Variants in ASAH1 observed in about 807,000 individuals in gnomAD.
The protein encoded by ASAH1 is acid ceramidase.
Under a neutral mutation model 59.5 loss-of-function variants are expected in ASAH1, and 70 were observed. The observed-to-expected ratio is 1.18, with a 90% confidence interval of 0.97 to 1.43. The LOEUF (loss-of-function observed/expected upper bound fraction) is 1.43, where lower values mean the gene tolerates loss of function less well. ASAH1 is among the 40% of genes most tolerant of loss of function. The pLI is 0.00. For synonymous variants in ASAH1, 213 were observed against 166.5 expected, an observed-to-expected ratio of 1.28 and a Z score of -2.15; for missense variants, 660 against 482.5, an observed-to-expected ratio of 1.37 and a Z score of -3.45.
At chr8:18,061,653 G>A (rs1191824591) in intron 9 of ASAH1, 33 bp downstream of exon 9, 3 of 1,575,356 alleles carry the variant, frequency 1.9e-6, no homozygotes, top group Non-Finnish European at 1.7e-6. Context: ...AAAGCTCTGA[G>A]ATTCCCATTT....
chr8:18,067,143 A>AGATCTAAGACATACAGCACCTGTGC, intron 5 of ASAH1, 77 bp downstream of exon 5: 1 of 1,321,246 alleles, frequency 7.6e-7, no homozygotes, highest in Non-Finnish European at 1.1e-6. Context: ...CCTGTGCTGT[A>AGATCTAAGACATACAGCACCTGTGC]TGTATATCAC....
At position 18,059,500 on chromosome 8, in the gene ASAH1, A is replaced by C. The variant is rs73581678; in HGVS notation, c.918-36T>G. On this transcript the variant is annotated intron_variant, in intron 11 of 13. Coordinates refer to ENST00000637790, the MANE Select transcript of ASAH1 (RefSeq NM_177924.5). ...AAGGAGAGATTCCCTCTTAGGCTACATGCCTTAAAACTCAAAGTATATCAG... is the reference window on the plus strand; with the variant it reads ...AAGGAGAGATTCCCTCTTAGGCTACCTGCCTTAAAACTCAAAGTATATCAG... 7,287 of 1,614,150 alleles carry C rather than the reference A, an allele frequency of 4.5e-3. 312 individuals carry two copies. The African/African-American group carries it at 0.084, about 19-fold the overall frequency.
At chr8:18,067,960 T>C (rs754685319) in intron 4 of ASAH1, 4 of 152,196 alleles carry the variant, frequency 2.6e-5, no homozygotes, top group Non-Finnish European at 5.9e-5. Context: ...TCTCACTTTT[T>C]TAACCAACTT....
intron 2 of ASAH1, 83 bp from the exon 3 acceptor site, chr8:18,071,473 G>T: frequency 1.1e-6 from 1 of 952,332 alleles, no homozygotes; most frequent in Non-Finnish European, 1.6e-6. Flanking sequence ...GAATATATGA[G>T]AGGCAAAGTC....
chr8:18,082,104 T>G (rs1800678736), intron 1 of ASAH1, among the ~76,000 whole-genome samples: 1 of 152,244 alleles, frequency 6.6e-6, no homozygotes, highest in African/African-American at 2.4e-5. Flanking sequence ...AATTTTAGTT[T>G]TGCATTCTTA....
At chr8:18,067,025 G>A (rs1007161125) in intron 5 of ASAH1, 195 bp downstream of exon 5, 3 of 389,782 alleles carry the variant, frequency 7.7e-6, no homozygotes, top group African/African-American at 4.1e-5. Context: ...GGGCTCTTCC[G>A]TATCTTGATC....
chr8:18,081,704 G>C (rs752869262), intron 1 of ASAH1, among the ~76,000 whole-genome samples: 9 of 152,144 alleles, frequency 5.9e-5, no homozygotes, highest in Non-Finnish European at 8.8e-5. Flanking sequence ...CAAATGACTT[G>C]TTTCCAATTT....
In ASAH1 at chr8:18,062,151, G is replaced by A. The variant is rs1799730772; in HGVS notation, c.648+128C>T. ...AGATCTCATACCTATGAAGTGACAA[G>A]AAGTACAAGGGGGTGAAATGGGGCT... On this transcript the variant is annotated intron_variant, in intron 8 of 13. Coordinates refer to ENST00000637790, the MANE Select transcript of ASAH1 (RefSeq NM_177924.5). 8 of 1,265,814 alleles carry A rather than the reference G, an allele frequency of 6.3e-6. No individual in the cohort carries two copies. In the Admixed American group the frequency reaches 1.4e-4, roughly 22 times the overall value. The allele number at this position is 1,265,814 out of a possible 1,614,324, so 78.4% of individuals were successfully genotyped here.
At chr8:18,059,081 T>C in intron 12 of ASAH1, 190 bp from the exon 13 acceptor site, 1 of 581,366 alleles carries the variant, frequency 1.7e-6, no homozygotes, top group Non-Finnish European at 2.8e-6. Flanking sequence ...TTCCTCTCTC[T>C]CCTTCCCCTT....
Position 18,057,619 on chromosome 8 carries a change from G to A in ASAH1, c.1103C>T (p.Thr368Ile), listed in dbSNP as rs148105771. The change falls in exon 14 of 14, where the codon ACC becomes ATC. Residue 368 changes from threonine (T) to isoleucine (I), a missense_variant. Transcript: ENST00000637790. The part of the protein sequence containing the change: ...LSTKPVLNKL[T>I]VYTTLIDVTK... ...AACATCTATCAAGGTTGTGTATACG[G>A]TCAGCTGAAAGAAAAGTTATTTTTA... 4.4e-6 allele frequency: 7 copies of A among 1,598,944 alleles called. No individual in the cohort carries two copies. Among genetic ancestry groups the A allele is most frequent in the Non-Finnish European group, 5.1e-6 (6 of 1,170,236 alleles).
chr8:18,059,023 T>A, intron 12 of ASAH1, 132 bp from the exon 13 acceptor site: 1 of 829,648 alleles, frequency 1.2e-6, no homozygotes, highest in Non-Finnish European at 2.0e-6. Flanking sequence ...GTGGAGTTTC[T>A]GTGGGAGTCA....
upstream of ASAH1, chr8:18,084,110 C>T (rs756666529): frequency 1.1e-5 from 18 of 1,589,930 alleles, no homozygotes; most frequent in Non-Finnish European, 1.4e-5. Flanking sequence ...CAAAGAAGAG[C>T]CGGCTGGGCC....
chr8:18,079,722 CCAGA>C (rs1414011749), intron 1 of ASAH1, among the ~76,000 whole-genome samples: 3 of 152,196 alleles, frequency 2.0e-5, no homozygotes, highest in African/African-American at 7.2e-5. Flanking sequence ...ACAACTCTAG[CCAGA>C]CAATTTTTCA....
At chr8:18,082,007 C>T (rs111431057) in intron 1 of ASAH1, among the ~76,000 whole-genome samples, 4,761 of 152,274 alleles carry the variant, frequency 0.031, 109 homozygotes, top group South Asian at 0.057. Context: ...TAACATCTAC[C>T]TCTGCCGTTA....
At position 18,075,637 on chromosome 8, in the gene ASAH1, C is replaced by T. The variant is rs34482943; in HGVS notation, c.79-50G>A. ...TCAGAAAATAACAAATGCTTGCCAA[C>T]GGAATAAGCAATTTCAAAAGTAGTT... On this transcript the variant is annotated intron_variant, in intron 1 of 13. Transcript: ENST00000637790. 137,995 of 1,557,112 alleles carry T rather than the reference C, an allele frequency of 0.089. 6,974 individuals are homozygous for T. The highest frequency in any genetic ancestry group is 0.15 in the Admixed American group (8,981 of 59,842).
chr8:18,081,053 G>C (rs1399525445), intron 1 of ASAH1, among the ~76,000 whole-genome samples: 2 of 152,092 alleles, frequency 1.3e-5, no homozygotes, highest in African/African-American at 4.8e-5. Context: ...AGTCCGAGTG[G>C]CCTGCTGGAT....
At chr8:18,073,309 T>A in intron 2 of ASAH1, 1 of 1,557,578 alleles carries the variant, frequency 6.4e-7, no homozygotes, top group Non-Finnish European at 8.8e-7. Context: ...AAAAAAACAC[T>A]TAGCAGCATT....
intron 1 of ASAH1, among the ~76,000 whole-genome samples, chr8:18,080,143 G>C (rs758730688): frequency 2.0e-5 from 3 of 152,108 alleles, no homozygotes; most frequent in Non-Finnish European, 2.9e-5. Context: ...GGCCAGATGG[G>C]GTCTATGAGA....
intron 9 of ASAH1, 62 bp downstream of exon 9, chr8:18,061,624 G>C: frequency 6.5e-7 from 1 of 1,533,688 alleles, no homozygotes; most frequent in African/African-American, 1.4e-5. Context: ...AGAAGGCACA[G>C]TCCAGCCTTC....
Sources: allele counts gnomAD v4.1 joint callset (sites outside exome capture counted in the v4.1 genomes callset), GRCh38; gene constraint gnomAD v4.1.1; transcripts MANE v1.5; gene names NCBI Gene and HGNC (gene_info 2026-07-23, HGNC 2026-07-21).